The following NTRK3 variants were observed in gnomAD, a reference collection of about 807,000 sequenced individuals.
NTRK3 encodes neurotrophic receptor tyrosine kinase 3, also known as NT-3 growth factor receptor.
In NTRK3, 24 loss-of-function variants were observed where a neutral mutation model predicts 91.7. The ratio of observed to expected loss-of-function variants is 0.26; its 90% CI spans 0.19 to 0.37. NTRK3 has a LOEUF of 0.37. NTRK3 is among the 10% of genes least tolerant of loss of function. NTRK3 has a pLI of 1.00. For synonymous variants in NTRK3, 483 were observed against 404.0 expected (o/e 1.20, Z -2.34); for missense variants, 880 against 1,068.9 (o/e 0.82, Z 2.46).
chr15:88,136,839 C>A (rs771905042), intron 7 of NTRK3, among the ~76,000 whole-genome samples: 10 of 152,170 alleles, frequency 6.6e-5, no homozygotes, highest in Non-Finnish European at 1.3e-4. Context: ...CACATTGCAG[C>A]GGCAGGTTGC....
At position 88,126,259 on chromosome 15, in the gene NTRK3, C is replaced by T. The variant is rs141999352; in HGVS notation, c.1396+12G>A. 6.6e-4 allele frequency: 1,047 copies of T among 1,587,686 alleles called. 2 individuals are homozygous for T. The highest frequency in any genetic ancestry group is 1.7e-3 in the Admixed American group (101 of 59,966). On this transcript the variant is annotated intron_variant, in intron 13 of 18. Coordinates refer to ENST00000394480, the Ensembl canonical transcript of NTRK3. ...CCCCATGACGCCCTTGAAAATGAAA[C>T]TCCCACCTTACCCTTCATTCCAAAT...
chr15:88,213,033 C>T (rs1371837800), intron 3 of NTRK3, among the ~76,000 whole-genome samples: 1 of 152,224 alleles, frequency 6.6e-6, no homozygotes, highest in Non-Finnish European at 1.5e-5. Context: ...AGAATGGCCC[C>T]GTATGTGTGA....
chr15:87,956,378 T>A (rs942934730), intron 14 of NTRK3, among the ~76,000 whole-genome samples: 3 of 151,906 alleles, frequency 2.0e-5, no homozygotes, highest in African/African-American at 7.3e-5. Context: ...GGTTCAAGCG[T>A]TTCTCCTGCC....
At chr15:88,228,203 C>T (rs1460191381) in intron 3 of NTRK3, among the ~76,000 whole-genome samples, 1 of 152,160 alleles carries the variant, frequency 6.6e-6, no homozygotes, top group East Asian at 1.9e-4. Context: ...CTGGAAATCC[C>T]AGCACTGAGA....
chr15:88,121,036 G>T (rs2052645800), intron 13 of NTRK3, among the ~76,000 whole-genome samples: 1 of 152,208 alleles, frequency 6.6e-6, no homozygotes, highest in Non-Finnish European at 1.5e-5. Context: ...CTCTGATCTA[G>T]AAGTATTTAA....
intron 16 of NTRK3, among the ~76,000 whole-genome samples, chr15:87,931,887 A>G (rs995569312): frequency 3.9e-5 from 6 of 152,216 alleles, no homozygotes; most frequent in Non-Finnish European, 7.3e-5. Context: ...TTTACATTTG[A>G]ACTTTGGAAA....
At chr15:87,908,540 C>A (rs538238761) in intron 17 of NTRK3, 1 of 399,370 alleles carries the variant, frequency 2.5e-6, no homozygotes, top group Non-Finnish European at 4.4e-6. Flanking sequence ...CCACACTGAA[C>A]GGGCCCTTCT....
intron 14 of NTRK3, among the ~76,000 whole-genome samples, chr15:88,016,905 G>T (rs1288329752): frequency 6.9e-6 from 1 of 144,924 alleles, no homozygotes; most frequent in Non-Finnish European, 1.5e-5. Context: ...TTATCCCAGG[G>T]AAGGGGAATA....
exon 19 of NTRK3, chr15:87,869,118 A>G (rs2064761792): frequency 8.7e-6 from 2 of 229,012 alleles, no homozygotes; most frequent in Non-Finnish European, 1.7e-5. Context: ...CTCAGGGGAA[A>G]CCCAATACAA....
intron 17 of NTRK3, among the ~76,000 whole-genome samples, chr15:87,903,976 G>A (rs963399106): frequency 1.3e-5 from 2 of 152,154 alleles, no homozygotes; most frequent in African/African-American, 4.8e-5. Flanking sequence ...CAAGAGGGGT[G>A]AACAAAGCTT....
At chr15:87,964,211 C>G (rs1331766080) in intron 14 of NTRK3, among the ~76,000 whole-genome samples, 1 of 152,062 alleles carries the variant, frequency 6.6e-6, no homozygotes, top group Non-Finnish European at 1.5e-5. Context: ...ACAGAGGTTA[C>G]TTATCTGGTA....
chr15:88,048,881 G>C (rs1044209515), intron 13 of NTRK3, among the ~76,000 whole-genome samples: 2 of 152,160 alleles, frequency 1.3e-5, no homozygotes, highest in African/African-American at 2.4e-5. Context: ...CCCCAGCACT[G>C]CTGTAAATAC....
intron 6 of NTRK3, among the ~76,000 whole-genome samples, chr15:88,141,784 T>C (rs1176245756): frequency 1.3e-5 from 2 of 152,152 alleles, no homozygotes; most frequent in African/African-American, 4.8e-5. Flanking sequence ...GCCAGAGAAT[T>C]AGGTGAGATG....
At chr15:88,093,486 G>T (rs1204686613) in intron 13 of NTRK3, among the ~76,000 whole-genome samples, 1 of 152,166 alleles carries the variant, frequency 6.6e-6, no homozygotes, top group Non-Finnish European at 1.5e-5. Flanking sequence ...ATGGGTGTCA[G>T]TTTCTCTCCT....
At chr15:87,865,644 C>G (rs1012417036) in exon 19 of NTRK3, 31 of 218,924 alleles carry the variant, frequency 1.4e-4, no homozygotes, top group South Asian at 1.9e-4. Context: ...GAAAGTTTCA[C>G]AGAGTCCTAT....
exon 19 of NTRK3, chr15:87,870,739 G>C: frequency 4.5e-6 from 1 of 223,156 alleles, no homozygotes; most frequent in Non-Finnish European, 8.9e-6. Flanking sequence ...CCTTTTGTAA[G>C]ATACTAAACT....
At chr15:88,013,698 A>G (rs1410541613) in intron 14 of NTRK3, among the ~76,000 whole-genome samples, 3 of 152,210 alleles carry the variant, frequency 2.0e-5, no homozygotes, top group African/African-American at 7.2e-5. Flanking sequence ...TGTACAAAAA[A>G]TCCTGTAGCA....
chr15:87,958,841 G>A (rs1380068075), intron 14 of NTRK3, among the ~76,000 whole-genome samples: 1 of 151,772 alleles, frequency 6.6e-6, no homozygotes, highest in Admixed American at 6.6e-5. Context: ...GCTAACCCAA[G>A]TCATCTTTAA....
At chr15:88,139,027 A>G (rs979084992) in intron 6 of NTRK3, among the ~76,000 whole-genome samples, 2 of 152,212 alleles carry the variant, frequency 1.3e-5, no homozygotes, top group African/African-American at 2.4e-5. Flanking sequence ...TCATAAATTC[A>G]ATAAATTCTT....
Sources: gnomAD v4.1 joint callset for allele counts (sites outside exome capture counted in the v4.1 genomes callset) on GRCh38, gnomAD v4.1.1 for gene constraint, MANE v1.5 for transcripts, NCBI Gene and HGNC (gene_info 2026-07-23, HGNC 2026-07-21) for gene names.